The following TBC1D5 variants were observed in gnomAD, a reference collection of about 807,000 sequenced individuals.
The protein encoded by TBC1D5 is TBC1 domain family member 5, also known as TBC1 domain family, member 5.
In TBC1D5, 75 loss-of-function variants were observed where a neutral mutation model predicts 100.3. That is an observed-to-expected ratio of 0.75 (90% CI 0.62 to 0.91). The LOEUF is 0.91. Ranked by LOEUF, TBC1D5 falls within the 40% of genes least tolerant of loss-of-function variation. The pLI, the probability that TBC1D5 is intolerant of heterozygous loss-of-function variation, is 0.00. For missense variants in TBC1D5, 910 were observed against 942.4 expected (o/e 0.97, Z 0.45); for synonymous variants, 323 against 325.6 (o/e 0.99, Z 0.09).
intron 3 of TBC1D5, among the ~76,000 whole-genome samples, chr3:17,499,169 C>G (rs565316619): frequency 6.6e-5 from 10 of 152,190 alleles, no homozygotes; most frequent in African/African-American, 2.4e-4. Flanking sequence ...TCTTAAAGAC[C>G]AGTAGTTGCA....
intron 2 of TBC1D5, among the ~76,000 whole-genome samples, chr3:17,509,673 T>C (rs1164162264): frequency 6.6e-6 from 1 of 152,014 alleles, no homozygotes; most frequent in Non-Finnish European, 1.5e-5. Context: ...GTATTAAACC[T>C]TGTTTATATG....
At position 17,397,901 on chromosome 3, in the gene TBC1D5, AAG is replaced by A. The variant is rs1482315248; in HGVS notation, c.509+5278_509+5279del. On this transcript the variant is annotated intron_variant, in intron 8 of 21. Transcript: ENST00000253692. ...TTAAAGAAATTTAATCATTTAATTC[AAG>A]AGAGGGAAAACACATTTGAAGAAAA... 2.0e-5 allele frequency among the ~76,000 whole-genome samples: 3 copies of A among 152,268 alleles called. No homozygotes were observed. The East Asian group carries it at 5.8e-4, about 29-fold the overall frequency.
intron 3 of TBC1D5, among the ~76,000 whole-genome samples, chr3:17,468,606 T>C (rs1429379026): frequency 6.6e-6 from 1 of 152,160 alleles, no homozygotes; most frequent in Non-Finnish European, 1.5e-5. Context: ...GGGATCTTTG[T>C]TATGTTCAAT....
intron 19 of TBC1D5, among the ~76,000 whole-genome samples, chr3:17,176,052 G>T (rs2067689820): frequency 6.6e-6 from 1 of 152,210 alleles, no homozygotes; most frequent in Non-Finnish European, 1.5e-5. Context: ...AACATGGAGA[G>T]GCAGCCTGGT....
chr3:17,253,361 T>A (rs904919121), intron 16 of TBC1D5, among the ~76,000 whole-genome samples: 1 of 152,228 alleles, frequency 6.6e-6, no homozygotes, highest in African/African-American at 2.4e-5. Flanking sequence ...AACTAAGCAT[T>A]TGTGGTACAA....
chr3:17,461,606 T>C (rs1294931237), intron 3 of TBC1D5, among the ~76,000 whole-genome samples: 1 of 152,042 alleles, frequency 6.6e-6, no homozygotes, highest in East Asian at 1.9e-4. Context: ...GGGCTTGGAG[T>C]ACTGTGTATA....
chr3:17,668,641 A>T (rs1440198735), intron 1 of TBC1D5, among the ~76,000 whole-genome samples: 1 of 152,172 alleles, frequency 6.6e-6, no homozygotes, highest in Non-Finnish European at 1.5e-5. Flanking sequence ...ACTGGCATCC[A>T]TAGGCCACTT....
intron 2 of TBC1D5, among the ~76,000 whole-genome samples, chr3:17,531,224 C>A (rs2096219555): frequency 6.6e-6 from 1 of 152,170 alleles, no homozygotes; most frequent in Non-Finnish European, 1.5e-5. Flanking sequence ...TGAGTGAACT[C>A]CCATTCACAA....
intron 16 of TBC1D5, among the ~76,000 whole-genome samples, chr3:17,245,510 G>T (rs2076664443): frequency 6.6e-6 from 1 of 152,154 alleles, no homozygotes; most frequent in Non-Finnish European, 1.5e-5. Flanking sequence ...TCTTTTATGT[G>T]CAGCAGGCAA....
intron 13 of TBC1D5, among the ~76,000 whole-genome samples, chr3:17,332,413 G>A (rs978054641): frequency 3.9e-5 from 6 of 152,160 alleles, no homozygotes; most frequent in African/African-American, 1.4e-4. Context: ...GCACAATCTT[G>A]CGGATCTGCA....
rs774311933 is a variant in TBC1D5 at position 17,561,329 on chromosome 3, TTCAA to T, written c.-35-52728_-35-52725del. On this transcript the variant is annotated intron_variant, in intron 2 of 21. Coordinates refer to ENST00000253692, the Ensembl canonical transcript of TBC1D5. ...CATATATACATAAAAACTTAGAGGG[TTCAA>T]TCAAAGCTCTAGTAAGAGCAAAAAA... is the stretch of plus-strand genomic sequence containing the variant. Among the ~76,000 whole-genome samples the T allele has an allele frequency of 9.9e-5, 15 of 152,014 alleles. No individual in the cohort carries two copies. In the East Asian group the frequency reaches 2.5e-3, roughly 25 times the overall value.
intron 1 of TBC1D5, among the ~76,000 whole-genome samples, chr3:17,660,515 G>C (rs1468941079): frequency 1.3e-5 from 2 of 152,194 alleles, no homozygotes; most frequent in Non-Finnish European, 2.9e-5. Context: ...GATAACATAT[G>C]ATCTAAATGG....
At chr3:17,225,900 T>C (rs1361034329) in intron 17 of TBC1D5, among the ~76,000 whole-genome samples, 2 of 152,074 alleles carry the variant, frequency 1.3e-5, no homozygotes, top group Non-Finnish European at 2.9e-5. Flanking sequence ...TTTGGTATTA[T>C]AGGTAATCTA....
At chr3:17,481,757 C>T (rs564120039) in intron 3 of TBC1D5, among the ~76,000 whole-genome samples, 11 of 152,018 alleles carry the variant, frequency 7.2e-5, no homozygotes, top group Middle Eastern at 3.4e-3. Context: ...TTTTTTGAGA[C>T]GGAGTCTCGC....
chr3:17,700,279 G>C (rs1350832597), intron 1 of TBC1D5, among the ~76,000 whole-genome samples: 1 of 151,960 alleles, frequency 6.6e-6, no homozygotes, highest in Non-Finnish European at 1.5e-5. Flanking sequence ...TAGCCATATG[G>C]AGAAAGCTGA....
intron 4 of TBC1D5, among the ~76,000 whole-genome samples, chr3:17,414,670 T>G (rs1470351347): frequency 6.6e-6 from 1 of 152,212 alleles, no homozygotes; most frequent in East Asian, 1.9e-4. Flanking sequence ...ATCAACCAGA[T>G]AAACACTGAT....
At chr3:17,244,687 C>A (rs2076577904) in intron 16 of TBC1D5, among the ~76,000 whole-genome samples, 1 of 152,034 alleles carries the variant, frequency 6.6e-6, no homozygotes, top group African/African-American at 2.4e-5. Context: ...GAGACAGAAA[C>A]AATATTCTCT....
At chr3:17,718,493 A>G (rs1234750569) in intron 1 of TBC1D5, among the ~76,000 whole-genome samples, 3 of 152,156 alleles carry the variant, frequency 2.0e-5, no homozygotes, top group African/African-American at 4.8e-5. Context: ...GCTACTCGGG[A>G]GGCTGAGGCA....
chr3:17,297,239 C>G (rs1045423172), intron 14 of TBC1D5, among the ~76,000 whole-genome samples: 1 of 152,218 alleles, frequency 6.6e-6, no homozygotes, highest in Non-Finnish European at 1.5e-5. Context: ...CCTTCTCTAA[C>G]TCCTTATCGA....
Sources: gnomAD v4.1 joint callset for allele counts (sites outside exome capture counted in the v4.1 genomes callset) on GRCh38, gnomAD v4.1.1 for gene constraint, MANE v1.5 for transcripts, NCBI Gene and HGNC (gene_info 2026-07-23, HGNC 2026-07-21) for gene names.